Variants in DIAPH3 observed in about 807,000 individuals in gnomAD.
The protein encoded by DIAPH3 is diaphanous related formin 3.
In DIAPH3, 117 loss-of-function variants were observed where a neutral mutation model predicts 144.3. The observed-to-expected ratio is 0.81, with a 90% CI of 0.70 to 0.95. DIAPH3 has a LOEUF of 0.95. Ranked by LOEUF, DIAPH3 falls within the 40% of genes least tolerant of loss-of-function variation. DIAPH3 has a pLI of 0.00. For synonymous variants in DIAPH3, 519 were observed against 488.9 expected, an observed-to-expected ratio of 1.06 and a Z score of -0.81; for missense variants, 1,421 against 1,412.7, an observed-to-expected ratio of 1.01 and a Z score of -0.09.
intron 1 of DIAPH3, among the ~76,000 whole-genome samples, chr13:60,156,939 A>ATTTTTTTTTTTT (rs757042309): frequency 1.2e-5 from 1 of 82,070 alleles, no homozygotes; most frequent in African/African-American, 5.4e-5. Context: ...ATATATATAT[A>ATTTTTTTTTTTT]TTTTTTTTTT....
intron 17 of DIAPH3, among the ~76,000 whole-genome samples, chr13:59,949,211 T>C (rs1042699669): frequency 1.3e-5 from 2 of 152,172 alleles, no homozygotes. Flanking sequence ...CTGGCACATG[T>C]TAAAGTTCAA....
chr13:59,972,939 A>C (rs537277541), intron 15 of DIAPH3, among the ~76,000 whole-genome samples: 2 of 152,328 alleles, frequency 1.3e-5, no homozygotes, highest in East Asian at 3.9e-4. Flanking sequence ...CTTTGAACAA[A>C]AAGAAGGATC....
chr13:59,843,317 G>A (rs530999370), intron 22 of DIAPH3, among the ~76,000 whole-genome samples: 2 of 152,272 alleles, frequency 1.3e-5, no homozygotes, highest in Admixed American at 6.5e-5. Context: ...ATTCTCAGAG[G>A]TGCCTAAAGT....
intron 4 of DIAPH3, among the ~76,000 whole-genome samples, chr13:60,044,616 C>T (rs1303627629): frequency 6.6e-6 from 1 of 152,082 alleles, no homozygotes; most frequent in Non-Finnish European, 1.5e-5. Context: ...CACAGAAAAG[C>T]AACAGGAACA....
intron 20 of DIAPH3, among the ~76,000 whole-genome samples, chr13:59,889,235 C>T (rs2045640363): frequency 6.6e-6 from 1 of 151,990 alleles, no homozygotes; most frequent in Non-Finnish European, 1.5e-5. Flanking sequence ...TTGGGGACTC[C>T]AGTTACAGGT....
At position 59,672,865 on chromosome 13, in the gene DIAPH3, A is replaced by G. The variant is rs75215731; in HGVS notation, c.3320-6019T>C. ...AAATTATGTAAAAACAAACAACTAA[A>G]CAAAACAATACTCCCCCTATCTAAA... On this transcript the variant is annotated intron_variant, in intron 27 of 27. Transcript: ENST00000400324. Among the ~76,000 whole-genome samples the G allele has an allele frequency of 3.2e-4, 49 of 152,338 alleles. 2 individuals carry two copies. The East Asian group carries it at 9.4e-3, about 29-fold the overall frequency.
At chr13:59,838,010 T>C (rs976402979) in intron 23 of DIAPH3, 1 of 152,112 alleles carries the variant, frequency 6.6e-6, no homozygotes, top group Non-Finnish European at 1.5e-5. Flanking sequence ...AAGCCAAATA[T>C]TAATTTTGTG....
At chr13:59,770,099 C>T (rs182662158) in intron 27 of DIAPH3, among the ~76,000 whole-genome samples, 26 of 152,096 alleles carry the variant, frequency 1.7e-4, no homozygotes, top group Admixed American at 1.3e-3. Context: ...ACATCTGATC[C>T]GACAACTCTT....
chr13:60,102,223 C>T (rs909048108), intron 3 of DIAPH3, among the ~76,000 whole-genome samples: 1 of 152,162 alleles, frequency 6.6e-6, no homozygotes, highest in Admixed American at 6.5e-5. Flanking sequence ...TTATCCTCTT[C>T]TATTTTATTT....
At chr13:59,689,816 T>C (rs993587639) in intron 27 of DIAPH3, among the ~76,000 whole-genome samples, 2 of 151,992 alleles carry the variant, frequency 1.3e-5, no homozygotes, top group Non-Finnish European at 2.9e-5. Flanking sequence ...TGTGTATGTA[T>C]GTTATGCAAG....
chr13:59,813,347 C>T (rs145033524), intron 24 of DIAPH3, among the ~76,000 whole-genome samples: 1 of 151,856 alleles, frequency 6.6e-6, no homozygotes, highest in East Asian at 1.9e-4. Flanking sequence ...ATACTAGATA[C>T]TTTAATGTGC....
intron 20 of DIAPH3, among the ~76,000 whole-genome samples, chr13:59,910,451 G>A (rs73196163): frequency 6.6e-6 from 1 of 152,060 alleles, no homozygotes; most frequent in African/African-American, 2.4e-5. Context: ...GAAAAGGCCG[G>A]GTGGGGTGGC....
At chr13:59,877,750 T>C (rs1372697820) in intron 21 of DIAPH3, among the ~76,000 whole-genome samples, 1 of 151,810 alleles carries the variant, frequency 6.6e-6, no homozygotes, top group African/African-American at 2.4e-5. Flanking sequence ...TCTAGACCAA[T>C]TTATCACCTC....
At chr13:59,893,094 G>T (rs896430703) in intron 20 of DIAPH3, among the ~76,000 whole-genome samples, 2 of 152,080 alleles carry the variant, frequency 1.3e-5, no homozygotes, top group Non-Finnish European at 2.9e-5. Flanking sequence ...ATGAAGCACA[G>T]GTCCTGAAAC....
intron 27 of DIAPH3, among the ~76,000 whole-genome samples, chr13:59,734,555 G>T (rs1037752926): frequency 6.6e-6 from 1 of 151,924 alleles, no homozygotes; most frequent in African/African-American, 2.4e-5. Flanking sequence ...GCTACAATCC[G>T]CTTTGGCCAC....
chr13:60,132,379 C>G (rs1187761905), intron 2 of DIAPH3, among the ~76,000 whole-genome samples: 1 of 152,014 alleles, frequency 6.6e-6, no homozygotes, highest in East Asian at 1.9e-4. Flanking sequence ...TGTTGTTGTT[C>G]TTCTTGTTAT....
At chr13:60,089,912 G>C (rs941038210) in intron 4 of DIAPH3, among the ~76,000 whole-genome samples, 1 of 152,114 alleles carries the variant, frequency 6.6e-6, no homozygotes, top group Admixed American at 6.5e-5. Flanking sequence ...AAATGCATGT[G>C]GATGGTATAT....
intron 8 of DIAPH3, among the ~76,000 whole-genome samples, chr13:60,009,170 G>T (rs75278379): frequency 0.019 from 2,868 of 152,166 alleles, 85 homozygotes; most frequent in African/African-American, 0.064. Context: ...ATATATAATA[G>T]TATGGTATTA....
intron 27 of DIAPH3, among the ~76,000 whole-genome samples, chr13:59,677,327 C>T (rs1240007063): frequency 6.6e-6 from 1 of 151,378 alleles, no homozygotes; most frequent in Non-Finnish European, 1.5e-5. Flanking sequence ...AACATTGAGA[C>T]TAGAACGGTA....
Sources: allele counts gnomAD v4.1 joint callset (sites outside exome capture counted in the v4.1 genomes callset), GRCh38; gene constraint gnomAD v4.1.1; transcripts MANE v1.5; gene names NCBI Gene and HGNC (gene_info 2026-07-23, HGNC 2026-07-21).